Variants in PALM2AKAP2 observed in about 807,000 individuals in gnomAD.
The protein encoded by PALM2AKAP2 is PALM2-AKAP2 fusion protein.
A neutral mutation model predicts 71.5 loss-of-function variants in PALM2AKAP2; 37 were observed. The ratio of observed to expected loss-of-function variants is 0.52; its 90% CI spans 0.40 to 0.68. The LOEUF (loss-of-function observed/expected upper bound fraction) is 0.68. Among genes scored for constraint, PALM2AKAP2 ranks in the 30% least tolerant of loss-of-function variants. PALM2AKAP2 has a pLI of 0.00. For missense variants in PALM2AKAP2, 1,224 were observed against 1,191.8 expected, an observed-to-expected ratio of 1.03 and a Z score of -0.40; for synonymous variants, 468 against 478.8, an observed-to-expected ratio of 0.98 and a Z score of 0.29.
chr9:109,992,166 CCTCT>C (rs1291695928), intron 6 of PALM2AKAP2, among the ~76,000 whole-genome samples: 2 of 152,082 alleles, frequency 1.3e-5, no homozygotes, highest in Non-Finnish European at 2.9e-5. Flanking sequence ...TGCTTCCGGG[CCTCT>C]CTCAGCTTCT....
At chr9:109,935,937 A>C (rs1831208984) in intron 6 of PALM2AKAP2, among the ~76,000 whole-genome samples, 1 of 152,224 alleles carries the variant, frequency 6.6e-6, no homozygotes, top group Admixed American at 6.5e-5. Context: ...CTTGACCAAA[A>C]ATAGAAGCAA....
intron 1 of PALM2AKAP2, among the ~76,000 whole-genome samples, chr9:109,750,046 A>C (rs1828861671): frequency 6.6e-6 from 1 of 152,206 alleles, no homozygotes; most frequent in Non-Finnish European, 1.5e-5. Flanking sequence ...CAGTGTCACC[A>C]ATATTGAAAA....
chr9:109,660,776 G>C (rs10979984), intron 1 of PALM2AKAP2, among the ~76,000 whole-genome samples: 104,421 of 152,040 alleles, frequency 0.69, 36,317 homozygotes, highest in African/African-American at 0.8. Context: ...AATTTACACT[G>C]CCATCAACAG....
At chr9:110,083,053 A>G (rs1480986741) in intron 1 of PALM2AKAP2, among the ~76,000 whole-genome samples, 1 of 152,216 alleles carries the variant, frequency 6.6e-6, no homozygotes, top group East Asian at 1.9e-4. Flanking sequence ...AGGCAGGAGA[A>G]TCACTTGAAC....
intron 1 of PALM2AKAP2, among the ~76,000 whole-genome samples, chr9:110,074,509 A>T (rs1834276571): frequency 6.6e-6 from 1 of 152,208 alleles, no homozygotes; most frequent in Non-Finnish European, 1.5e-5. Flanking sequence ...ATCAATGTTA[A>T]TTACAAGATT....
At chr9:109,909,142 T>G (rs1326481825) in intron 3 of PALM2AKAP2, among the ~76,000 whole-genome samples, 2 of 146,726 alleles carry the variant, frequency 1.4e-5, no homozygotes, top group Non-Finnish European at 3.0e-5. Flanking sequence ...ATAAGAATAG[T>G]ACATTACACA....
chr9:110,134,715 G>A (rs934869392), intron 1 of PALM2AKAP2, among the ~76,000 whole-genome samples: 1 of 152,150 alleles, frequency 6.6e-6, no homozygotes. Context: ...CTAAGGTGGT[G>A]TTTTAATATT....
At chr9:109,653,845 T>C (rs545037637) in intron 1 of PALM2AKAP2, among the ~76,000 whole-genome samples, 221 of 152,324 alleles carry the variant, frequency 1.5e-3, no homozygotes, top group African/African-American at 5.0e-3. Context: ...AATCTCATAG[T>C]AGGCGAGTCT....
chr9:109,759,416 C>T (rs1829016519), intron 1 of PALM2AKAP2, among the ~76,000 whole-genome samples: 1 of 152,098 alleles, frequency 6.6e-6, no homozygotes, highest in African/African-American at 2.4e-5. Flanking sequence ...AACGGTGATT[C>T]TTTAAGGTGC....
At chr9:109,981,100 T>C (rs1029282988) in intron 6 of PALM2AKAP2, among the ~76,000 whole-genome samples, 8 of 152,214 alleles carry the variant, frequency 5.3e-5, no homozygotes, top group African/African-American at 1.9e-4. Flanking sequence ...TAATAAATCT[T>C]CATTTATTAT....
intron 1 of PALM2AKAP2, chr9:109,760,242 G>A (rs1045562642): frequency 6.6e-6 from 1 of 152,136 alleles, no homozygotes; most frequent in Non-Finnish European, 1.5e-5. Context: ...TGGAATTTAG[G>A]TTAAGCAGAC....
At chr9:110,014,365 T>C (rs1008595513) in intron 6 of PALM2AKAP2, among the ~76,000 whole-genome samples, 1 of 152,146 alleles carries the variant, frequency 6.6e-6, no homozygotes, top group Non-Finnish European at 1.5e-5. Flanking sequence ...ATTATACCAA[T>C]CATAAAATTT....
Position 109,783,307 on chromosome 9 carries a change from A to G in PALM2AKAP2, c.45+2774A>G, listed in dbSNP as rs181149241. On this transcript the variant is annotated intron_variant, in intron 1 of 9. Coordinates refer to the PALM2AKAP2 transcript ENST00000302798. The stretch of plus-strand genomic sequence containing the variant: ...GTCAGAAGCAACATCTCTGAAGTGG[A>G]ATGTGTATTAATGACTTTTTTTTTT... 3.2e-3 allele frequency among the ~76,000 whole-genome samples: 447 copies of G among 137,734 alleles called. 2 individuals carry two copies. Among genetic ancestry groups the G allele is most frequent in the African/African-American group, 0.012 (412 of 33,322 alleles). 90.4% of individuals were successfully genotyped at this position (137,734 alleles called of 152,430 possible).
At chr9:109,987,523 A>C (rs1442550649) in intron 6 of PALM2AKAP2, among the ~76,000 whole-genome samples, 1 of 152,198 alleles carries the variant, frequency 6.6e-6, no homozygotes, top group African/African-American at 2.4e-5. Flanking sequence ...TTTCTTTGAT[A>C]TATCATCTCC....
chr9:110,150,282 A>G (rs1224846483), intron 2 of PALM2AKAP2, among the ~76,000 whole-genome samples: 1 of 152,220 alleles, frequency 6.6e-6, no homozygotes, highest in Non-Finnish European at 1.5e-5. Context: ...TGTTCAAACC[A>G]TCCAGTCTAT....
intron 6 of PALM2AKAP2, among the ~76,000 whole-genome samples, chr9:110,009,193 A>T (rs995751063): frequency 6.6e-6 from 1 of 151,992 alleles, no homozygotes; most frequent in Non-Finnish European, 1.5e-5. Context: ...GATTACAGGG[A>T]GTGTGGGTAC....
At chr9:109,665,078 G>A (rs756182819) in intron 1 of PALM2AKAP2, among the ~76,000 whole-genome samples, 7 of 152,160 alleles carry the variant, frequency 4.6e-5, no homozygotes, top group East Asian at 1.9e-4. Flanking sequence ...CTAGTTAGTC[G>A]TTCATCTAAT....
chr9:109,684,322 C>T (rs1827778344), intron 1 of PALM2AKAP2, among the ~76,000 whole-genome samples: 1 of 152,122 alleles, frequency 6.6e-6, no homozygotes, highest in Admixed American at 6.5e-5. Context: ...GTTGGAACCA[C>T]CTGTGGAGTT....
intron 1 of PALM2AKAP2, among the ~76,000 whole-genome samples, chr9:109,650,481 A>G (rs1827210711): frequency 6.6e-6 from 1 of 152,190 alleles, no homozygotes; most frequent in Non-Finnish European, 1.5e-5. Context: ...TAGTAGCACA[A>G]TCAGAGCTCA....
Sources: allele counts gnomAD v4.1 joint callset (sites outside exome capture counted in the v4.1 genomes callset), GRCh38; gene constraint gnomAD v4.1.1; transcripts MANE v1.5; gene names NCBI Gene and HGNC (gene_info 2026-07-23, HGNC 2026-07-21).